Variants in THSD4 observed in about 807,000 individuals in gnomAD.
THSD4 encodes the protein thrombospondin type-1 domain-containing protein 4.
In THSD4, 69 loss-of-function variants were observed where a neutral mutation model predicts 119.0. The observed-to-expected ratio is 0.58, with a 90% confidence interval of 0.48 to 0.71. The LOEUF (loss-of-function observed/expected upper bound fraction) is 0.71. THSD4 is among the 30% of genes least tolerant of loss of function. The pLI, the probability that THSD4 is intolerant of heterozygous loss-of-function variation, is 0.00. For synonymous variants in THSD4, 524 were observed against 540.4 expected, an observed-to-expected ratio of 0.97 and a Z score of 0.42; for missense variants, 1,393 against 1,391.1, an observed-to-expected ratio of 1.00 and a Z score of -0.02.
At chr15:71,558,104 G>C (rs1270493162) in intron 7 of THSD4, among the ~76,000 whole-genome samples, 1 of 152,176 alleles carries the variant, frequency 6.6e-6, no homozygotes, top group Non-Finnish European at 1.5e-5. Context: ...GAGGTGGGCA[G>C]ATCACTTGAG....
chr15:71,169,435 T>C (rs1162840663), intron 3 of THSD4, among the ~76,000 whole-genome samples: 2 of 152,196 alleles, frequency 1.3e-5, no homozygotes, highest in Admixed American at 6.5e-5. Flanking sequence ...TTACCCAAGA[T>C]AAATATGGAC....
Position 71,699,235 on chromosome 15 carries a change from C to T in THSD4, c.1358-29314C>T, listed in dbSNP as rs542296071. Among the ~76,000 whole-genome samples, 33 of 41,038 alleles carry T rather than the reference C, an allele frequency of 8.0e-4. 6 individuals carry two copies. The highest frequency in any genetic ancestry group is 5.7e-3 in the African/African-American group (33 of 5,792). The allele number at this position is 41,038 out of a possible 152,430, so 26.9% of individuals were successfully genotyped here. A position where few individuals can be genotyped will look rare whatever the true frequency, so the allele number is the denominator to read the frequency against. On this transcript the variant is annotated intron_variant, in intron 8 of 17. Transcript: ENST00000261862. ...CTTTTTTTTTTTTTTTTTTTTGAGA[C>T]GGAGTCTCGCTCTGTCGCCCAGGCT...
chr15:71,268,569 A>G (rs1478561256), intron 6 of THSD4, among the ~76,000 whole-genome samples: 1 of 152,134 alleles, frequency 6.6e-6, no homozygotes, highest in East Asian at 1.9e-4. Context: ...GAGGAAACAA[A>G]TTCAAAAGCT....
chr15:71,547,258 C>A (rs972782624), intron 7 of THSD4: 1 of 1,419,394 alleles, frequency 7.0e-7, no homozygotes, highest in Middle Eastern at 2.3e-4. Flanking sequence ...GAGCTCGAAG[C>A]GCCGGGCAGT....
intron 7 of THSD4, among the ~76,000 whole-genome samples, chr15:71,485,210 C>T (rs80221099): frequency 0.046 from 6,924 of 152,160 alleles, 434 homozygotes; most frequent in African/African-American, 0.14. Context: ...TCTGTTCTGC[C>T]ATTATTCGTC....
At chr15:71,305,701 C>T (rs766513931) in intron 6 of THSD4, among the ~76,000 whole-genome samples, 17 of 152,244 alleles carry the variant, frequency 1.1e-4, no homozygotes, top group African/African-American at 2.2e-4. Flanking sequence ...AAGGTTATTC[C>T]GGATGGGGAC....
chr15:71,521,192 T>TTC (rs1052650323), intron 7 of THSD4, among the ~76,000 whole-genome samples: 1 of 151,934 alleles, frequency 6.6e-6, no homozygotes, highest in East Asian at 1.9e-4. Flanking sequence ...AGATAATACT[T>TTC]TCTCTCTCTT....
chr15:71,187,126 T>G lies in THSD4; in HGVS notation c.100-27909T>G, dbSNP rs1596256358. ...AACCCAGAGCCCTGATTGTGCCCAT[T>G]GTCCAATGACTGCTCCTTTGCAAGG... On this transcript the variant is annotated intron_variant, in intron 3 of 17. Transcript: ENST00000261862. 4 of 152,658 alleles carry G rather than the reference T, an allele frequency of 2.6e-5. No homozygotes were observed. The East Asian group carries it at 7.7e-4, about 29-fold the overall frequency. The allele number at this position is 152,658 out of a possible 1,614,324, so 9.5% of individuals were successfully genotyped here.
rs138358129 is a variant in THSD4 at position 71,653,015 on chromosome 15, T to G, written c.1153-7515T>G. On this transcript the variant is annotated intron_variant, in intron 7 of 17. Coordinates refer to ENST00000261862, the MANE Select transcript of THSD4 (RefSeq NM_024817.3). ...GTATCTCTTTTTAAAAGAAAAATTT[T>G]GGCACCAGAAGGGACCTTAGAGATG... 7.9e-3 allele frequency among the ~76,000 whole-genome samples: 1,208 copies of G among 152,304 alleles called. 14 individuals are homozygous for G. Among genetic ancestry groups the G allele is most frequent in the African/African-American group, 0.027 (1,104 of 41,582 alleles).
At chr15:71,297,744 G>A (rs992319209) in intron 6 of THSD4, among the ~76,000 whole-genome samples, 25 of 152,274 alleles carry the variant, frequency 1.6e-4, no homozygotes, top group African/African-American at 6.0e-4. Context: ...AAGTAGCTGG[G>A]ACTACAGCTG....
At chr15:71,136,695 C>T (rs1567135175) in intron 1 of THSD4, among the ~76,000 whole-genome samples, 1 of 152,028 alleles carries the variant, frequency 6.6e-6, no homozygotes, top group Non-Finnish European at 1.5e-5. Context: ...GTGGAACTGG[C>T]GCCTGCAGTG....
intron 6 of THSD4, among the ~76,000 whole-genome samples, chr15:71,304,468 T>C (rs150156440): frequency 1.3e-5 from 2 of 152,210 alleles, no homozygotes; most frequent in African/African-American, 4.8e-5. Context: ...AGTCATAATA[T>C]ATGGTATCAT....
chr15:71,547,268 T>C, intron 7 of THSD4: 1 of 1,465,260 alleles, frequency 6.8e-7, no homozygotes. Context: ...CGCCGGGCAG[T>C]ACAGTGAGGG....
chr15:71,768,091 A>G (rs556709981), intron 16 of THSD4, among the ~76,000 whole-genome samples: 1 of 152,310 alleles, frequency 6.6e-6, no homozygotes, highest in Non-Finnish European at 1.5e-5. Flanking sequence ...TCAAGTGTTT[A>G]TGCTTTCTTT....
rs192100041 is a variant in THSD4, at chr15:71,739,900, C to T, written c.1906+1893C>T. Reference sequence around the variant, plus strand: ...TATCTAAGAGTACAAAGTTTGGAACCTCTCACAAAATTAGCACACTGAAAA... The same window carrying T: ...TATCTAAGAGTACAAAGTTTGGAACTTCTCACAAAATTAGCACACTGAAAA... On this transcript the variant is annotated intron_variant, in intron 11 of 17. Coordinates refer to ENST00000261862, the MANE Select transcript of THSD4 (RefSeq NM_024817.3). Among the ~76,000 whole-genome samples the T allele has an allele frequency of 1.4e-3, 206 of 151,414 alleles. 4 individuals are homozygous for T. The highest frequency in any genetic ancestry group is 4.9e-3 in the African/African-American group (201 of 41,290).
At chr15:71,646,554 A>G (rs867882309) in intron 7 of THSD4, among the ~76,000 whole-genome samples, 8 of 152,320 alleles carry the variant, frequency 5.3e-5, no homozygotes, top group Middle Eastern at 3.4e-3. Context: ...TTTGCCCTCT[A>G]TGTTATCTTT....
At chr15:71,486,940 G>C (rs943275807) in intron 7 of THSD4, among the ~76,000 whole-genome samples, 5 of 152,138 alleles carry the variant, frequency 3.3e-5, no homozygotes, top group African/African-American at 1.2e-4. Context: ...ACCACCTATT[G>C]AGTATCTGCC....
intron 3 of THSD4, among the ~76,000 whole-genome samples, chr15:71,157,829 A>G (rs2040794779): frequency 6.6e-6 from 1 of 151,980 alleles, no homozygotes; most frequent in African/African-American, 2.4e-5. Context: ...TTTTTAATGG[A>G]CAAATAGTAT....
chr15:71,255,075 C>T (rs528876721), intron 5 of THSD4, among the ~76,000 whole-genome samples: 51 of 152,294 alleles, frequency 3.3e-4, no homozygotes, highest in Middle Eastern at 3.4e-3. Context: ...CCTCATCTTC[C>T]GGGAGACCTA....
Sources: gnomAD v4.1 joint callset for allele counts (sites outside exome capture counted in the v4.1 genomes callset) on GRCh38, gnomAD v4.1.1 for gene constraint, MANE v1.5 for transcripts, NCBI Gene and HGNC (gene_info 2026-07-23, HGNC 2026-07-21) for gene names.